XRRA1: variants seen among roughly 807,000 people sequenced by gnomAD.
XRRA1 encodes the protein X-ray radiation resistance associated 1, also known as X-ray radiation resistance-associated protein 1.
In XRRA1, 69 loss-of-function variants were observed where a neutral mutation model predicts 80.2. The observed-to-expected ratio is 0.86, with a 90% CI of 0.71 to 1.05. The LOEUF (loss-of-function observed/expected upper bound fraction) is 1.05. XRRA1 is among the 50% of genes least tolerant of loss of function. The pLI is 0.00. For synonymous variants in XRRA1, 348 were observed against 389.9 expected (o/e 0.89, Z 1.27); for missense variants, 967 against 976.4 (o/e 0.99, Z 0.13).
At chr11:74,886,297 C>G (rs2048999854) in intron 10 of XRRA1, among the ~76,000 whole-genome samples, 2 of 152,124 alleles carry the variant, frequency 1.3e-5, no homozygotes, top group Admixed American at 6.6e-5. Context: ...CAATGTGATT[C>G]TACACCTAGG....
At position 74,851,214 on chromosome 11, in the gene XRRA1, G is replaced by C. The variant is rs2039747530; in HGVS notation, c.1265-11C>G. ...GCAGTGGAGGGACCCCTGGTGCCAT[G>C]ATGGGAAAATAAGATTACTATTAGC... On this transcript the variant is annotated splice_polypyrimidine_tract_variant and intron_variant, in intron 13 of 18. Coordinates refer to ENST00000684022, the MANE Select transcript of XRRA1 (RefSeq NM_001378157.1). The C allele has an allele frequency of 1.3e-6, 2 of 1,594,078 alleles. No individual in the cohort carries two copies. The highest frequency in any genetic ancestry group is 2.7e-5 in the African/African-American group (2 of 73,852).
intron 8 of XRRA1, among the ~76,000 whole-genome samples, chr11:74,920,742 C>A (rs1940475763): frequency 1.3e-5 from 2 of 152,220 alleles, no homozygotes; most frequent in African/African-American, 2.4e-5. Context: ...ACCTACCTCA[C>A]AGAGCTGTTA....
chr11:74,847,179 CTTT>C (rs1018321128), intron 15 of XRRA1, among the ~76,000 whole-genome samples: 1 of 152,012 alleles, frequency 6.6e-6, no homozygotes, highest in Non-Finnish European at 1.5e-5. Flanking sequence ...TGAGATATTT[CTTT>C]AAGATACTTT....
chr11:74,926,921 A>C (rs1257128109), intron 7 of XRRA1, among the ~76,000 whole-genome samples: 1 of 151,808 alleles, frequency 6.6e-6, no homozygotes, highest in Non-Finnish European at 1.5e-5. Flanking sequence ...ACCGAGACTG[A>C]TTCAGCTCAC....
In XRRA1 at chr11:74,852,188, G is replaced by A. The variant is rs973489308; in HGVS notation, c.1171-106C>T. The A allele has an allele frequency of 4.4e-6, 4 of 909,214 alleles. No homozygotes were observed. In the African/African-American group the frequency reaches 6.5e-5, roughly 15 times the overall value. 56.3% of individuals were successfully genotyped at this position (909,214 alleles called of 1,614,324 possible). On this transcript the variant is annotated intron_variant, in intron 12 of 18. Coordinates refer to ENST00000684022, the MANE Select transcript of XRRA1 (RefSeq NM_001378157.1). Reference sequence around the variant, plus strand: ...GGCTACATGCTTGCTAGGATTGGGGGTGGTATTGGGTAAGACATGCTGCTG... The same window carrying A: ...GGCTACATGCTTGCTAGGATTGGGGATGGTATTGGGTAAGACATGCTGCTG...
At chr11:74,875,988 T>C (rs939345988) in intron 10 of XRRA1, among the ~76,000 whole-genome samples, 1 of 152,212 alleles carries the variant, frequency 6.6e-6, no homozygotes, top group African/African-American at 2.4e-5. Context: ...AAGAAGGACA[T>C]CCAATACATC....
At chr11:74,876,146 C>T (rs1318764259) in intron 10 of XRRA1, 1 of 152,182 alleles carries the variant, frequency 6.6e-6, no homozygotes, top group Non-Finnish European at 1.5e-5. Context: ...ACAATGGCCC[C>T]TTGCTTAAGA....
At chr11:74,894,689 G>A (rs559541044) in intron 10 of XRRA1, among the ~76,000 whole-genome samples, 2 of 152,308 alleles carry the variant, frequency 1.3e-5, no homozygotes, top group South Asian at 2.1e-4. Flanking sequence ...CCCACTGGGT[G>A]GGGATTATGG....
chr11:74,904,473 A>C (rs1421763354), intron 10 of XRRA1, among the ~76,000 whole-genome samples: 2 of 152,116 alleles, frequency 1.3e-5, no homozygotes, highest in Non-Finnish European at 2.9e-5. Flanking sequence ...AAAAGAAAAA[A>C]AAAAAAGTTT....
At position 74,842,263 on chromosome 11, in the gene XRRA1, G is replaced by C. The variant is rs985396378; in HGVS notation, c.*937C>G. 1 of 152,260 alleles carries C rather than the reference G, an allele frequency of 6.6e-6. No homozygotes were observed. The allele number at this position is 152,260 out of a possible 1,614,324, so 9.4% of individuals were successfully genotyped here. A position where few individuals can be genotyped will look rare whatever the true frequency, so the allele number is the denominator to read the frequency against. ...TTGGACCAGGGCATGCCCTGTTGGG[G>C]ATGTTTCTGTCAGCAAGGACATGGC... On this transcript the variant is annotated 3_prime_UTR_variant, in exon 19 of 19. Coordinates refer to ENST00000684022, the MANE Select transcript of XRRA1 (RefSeq NM_001378157.1).
intron 5 of XRRA1, among the ~76,000 whole-genome samples, chr11:74,930,903 C>G (rs947285419): frequency 6.6e-6 from 1 of 152,118 alleles, no homozygotes; most frequent in Non-Finnish European, 1.5e-5. Flanking sequence ...TTCCCCAGCT[C>G]GGGTGATCCT....
chr11:74,909,067 A>G (rs2055284325), intron 8 of XRRA1, among the ~76,000 whole-genome samples: 1 of 152,166 alleles, frequency 6.6e-6, no homozygotes, highest in African/African-American at 2.4e-5. Flanking sequence ...ATGTTCTTAC[A>G]ATCAATTCCC....
chr11:74,845,290 C>T lies in XRRA1; in HGVS notation c.1729-19G>A, dbSNP rs1421225402. The T allele has an allele frequency of 5.6e-6, 9 of 1,596,654 alleles. No homozygotes were observed. The highest frequency in any genetic ancestry group is 1.7e-4 in the Middle Eastern group (1 of 6,036). ...CACTCACCTGTGCCCAGGAAGAAAA[C>T]GCATTCATTTGTCACTCATTCATTC... On this transcript the variant is annotated intron_variant, in intron 15 of 18. Transcript: ENST00000684022.
intron 8 of XRRA1, chr11:74,911,293 C>T (rs1230955218): frequency 1.3e-5 from 2 of 152,048 alleles, no homozygotes; most frequent in Non-Finnish European, 2.9e-5. Context: ...CCCAGGCTGG[C>T]CTCAAACTCC....
chr11:74,869,360 A>G (rs923598575), intron 10 of XRRA1, among the ~76,000 whole-genome samples: 1 of 152,204 alleles, frequency 6.6e-6, no homozygotes, highest in Non-Finnish European at 1.5e-5. Flanking sequence ...GATAGGGTAA[A>G]AGAGTCCTCA....
intron 11 of XRRA1, among the ~76,000 whole-genome samples, chr11:74,860,065 T>C (rs1376073944): frequency 6.6e-6 from 1 of 152,232 alleles, no homozygotes; most frequent in Non-Finnish European, 1.5e-5. Flanking sequence ...AGATTCCATC[T>C]TAAGCTGAAT....
At chr11:74,850,927 C>T in intron 14 of XRRA1, 161 bp downstream of exon 14, 1 of 478,678 alleles carries the variant, frequency 2.1e-6, no homozygotes. Flanking sequence ...TTGTTTCATC[C>T]AGTGCTCTTC....
At chr11:74,859,829 G>T (rs865929177) in intron 11 of XRRA1, among the ~76,000 whole-genome samples, 1 of 152,058 alleles carries the variant, frequency 6.6e-6, no homozygotes, top group Admixed American at 6.5e-5. Context: ...ACTTCAACCT[G>T]CCCGTGGGAG....
chr11:74,869,388 G>C (rs541824854), intron 10 of XRRA1, among the ~76,000 whole-genome samples: 1 of 152,080 alleles, frequency 6.6e-6, no homozygotes, highest in Non-Finnish European at 1.5e-5. Context: ...TTCCCTTTTA[G>C]CAAGAAGCAG....
Sources: gnomAD v4.1 joint callset for allele counts (sites outside exome capture counted in the v4.1 genomes callset) on GRCh38, gnomAD v4.1.1 for gene constraint, MANE v1.5 for transcripts, NCBI Gene and HGNC (gene_info 2026-07-23, HGNC 2026-07-21) for gene names.